The following ROBO2 variants were observed in gnomAD, a reference collection of about 807,000 sequenced individuals.
ROBO2 encodes roundabout homolog 2.
In ROBO2, 53 loss-of-function variants were observed where a neutral mutation model predicts 160.8. The observed-to-expected ratio is 0.33, with a 90% CI of 0.26 to 0.41. The LOEUF (loss-of-function observed/expected upper bound fraction) is 0.41. ROBO2 is among the 10% of genes least tolerant of loss of function. The probability of loss-of-function intolerance (pLI) is 1.00; values close to 1 mark genes in which losing one functional copy is unlikely to be tolerated. For synonymous variants in ROBO2, 664 were observed against 611.7 expected, an observed-to-expected ratio of 1.09 and a Z score of -1.26; for missense variants, 1,577 against 1,722.4, an observed-to-expected ratio of 0.92 and a Z score of 1.49.
At chr3:76,142,271 A>T (rs1441121986) in intron 2 of ROBO2, among the ~76,000 whole-genome samples, 1 of 151,988 alleles carries the variant, frequency 6.6e-6, no homozygotes, top group African/African-American at 2.4e-5. Context: ...TCCTCAAAAA[A>T]ACTGAAAACT....
chr3:76,565,888 G>A (rs967617801), intron 2 of ROBO2, among the ~76,000 whole-genome samples: 2 of 152,136 alleles, frequency 1.3e-5, no homozygotes, highest in African/African-American at 2.4e-5. Context: ...AGAGTTCACT[G>A]TAATCTCAGG....
At chr3:77,594,043 A>G (rs752718655) in intron 17 of ROBO2, among the ~76,000 whole-genome samples, 6 of 152,042 alleles carry the variant, frequency 3.9e-5, no homozygotes, top group Non-Finnish European at 7.4e-5. Context: ...TTGCAGGTTT[A>G]TTGCACTTTT....
At chr3:76,546,875 C>A (rs1455459522) in intron 2 of ROBO2, among the ~76,000 whole-genome samples, 1 of 151,788 alleles carries the variant, frequency 6.6e-6, no homozygotes, top group African/African-American at 2.4e-5. Context: ...TTGACCTAAG[C>A]CAAATTCAAA....
At chr3:76,866,235 G>T (rs1257243342) in intron 2 of ROBO2, among the ~76,000 whole-genome samples, 1 of 151,930 alleles carries the variant, frequency 6.6e-6, no homozygotes, top group African/African-American at 2.4e-5. Context: ...AGGAAAAAAA[G>T]AAAAGAAAAA....
At chr3:76,146,899 CACAT>C (rs2071928147) in intron 2 of ROBO2, among the ~76,000 whole-genome samples, 1 of 150,444 alleles carries the variant, frequency 6.6e-6, no homozygotes, top group African/African-American at 2.4e-5. Flanking sequence ...AACACACACA[CACAT>C]ACACACACAC....
At chr3:76,150,858 CT>C (rs1162801312) in intron 2 of ROBO2, among the ~76,000 whole-genome samples, 2 of 152,146 alleles carry the variant, frequency 1.3e-5, no homozygotes, top group Non-Finnish European at 2.9e-5. Flanking sequence ...GTGGGGGCTT[CT>C]TCCTACATGC....
intron 16 of ROBO2, among the ~76,000 whole-genome samples, chr3:77,586,964 A>G (rs2094066752): frequency 6.6e-6 from 1 of 151,834 alleles, no homozygotes; most frequent in South Asian, 2.1e-4. Flanking sequence ...ATTTAATACA[A>G]AAGACCTTTC....
chr3:76,200,017 T>A (rs574214603), intron 2 of ROBO2, among the ~76,000 whole-genome samples: 1 of 152,214 alleles, frequency 6.6e-6, no homozygotes, highest in Non-Finnish European at 1.5e-5. Context: ...AGGAGAGGGA[T>A]AAAAAAACAA....
intron 2 of ROBO2, among the ~76,000 whole-genome samples, chr3:77,222,906 A>G (rs1362088221): frequency 6.6e-6 from 1 of 152,188 alleles, no homozygotes; most frequent in Non-Finnish European, 1.5e-5. Flanking sequence ...GCTCCCAAGG[A>G]GTGCTTTCTT....
At chr3:76,387,916 T>C (rs1464824685) in intron 2 of ROBO2, among the ~76,000 whole-genome samples, 1 of 152,216 alleles carries the variant, frequency 6.6e-6, no homozygotes, top group Admixed American at 6.5e-5. Flanking sequence ...AGGGCAGTTA[T>C]ATGAAAAATT....
intron 2 of ROBO2, among the ~76,000 whole-genome samples, chr3:76,066,212 G>T (rs771520043): frequency 1.3e-5 from 2 of 152,010 alleles, no homozygotes; most frequent in African/African-American, 4.8e-5. Flanking sequence ...ACAATAAATA[G>T]CATGACATGC....
At chr3:76,287,401 T>C (rs1000841405) in intron 2 of ROBO2, among the ~76,000 whole-genome samples, 3 of 151,736 alleles carry the variant, frequency 2.0e-5, no homozygotes, top group African/African-American at 7.3e-5. Context: ...GTTCAAGCAA[T>C]TCTCCTGCCT....
intron 2 of ROBO2, among the ~76,000 whole-genome samples, chr3:76,030,046 A>C (rs2066867333): frequency 6.6e-6 from 1 of 152,080 alleles, no homozygotes; most frequent in Non-Finnish European, 1.5e-5. Context: ...TGACTTTTTA[A>C]TGATTGCCAT....
At position 76,135,962 on chromosome 3, in the gene ROBO2, C is replaced by CAA. The variant is rs5850235; in HGVS notation, c.109+198367_109+198368dup. ...TTTACTACAAGGCAATATTATTTAC[C>CAA]AAAAAAAATCTGTAACATAAAGCTT... On this transcript the variant is annotated intron_variant, in intron 2 of 26. Coordinates refer to the ROBO2 transcript ENST00000487694. Among the ~76,000 whole-genome samples, 1,154 of 151,932 alleles carry CAA rather than the reference C, an allele frequency of 7.6e-3. 12 individuals carry two copies. The highest frequency in any genetic ancestry group is 0.029 in the Admixed American group (447 of 15,240).
intron 23 of ROBO2, 137 bp from the exon 25 acceptor site, chr3:77,634,733 A>C: frequency 2.3e-6 from 2 of 854,398 alleles, no homozygotes; most frequent in East Asian, 2.4e-5. Flanking sequence ...TTTTCTACAG[A>C]GATGCACCAA....
At chr3:76,376,276 G>A (rs1300810044) in intron 2 of ROBO2, among the ~76,000 whole-genome samples, 1 of 152,034 alleles carries the variant, frequency 6.6e-6, no homozygotes, top group African/African-American at 2.4e-5. Flanking sequence ...AGTCCCAGTG[G>A]ATTCAGCAAA....
intron 1 of ROBO2, among the ~76,000 whole-genome samples, chr3:75,918,368 C>A (rs1312358324): frequency 2.0e-5 from 3 of 151,984 alleles, no homozygotes; most frequent in African/African-American, 7.2e-5. Flanking sequence ...ATTTCTGAGG[C>A]CTCTGTTCTG....
At chr3:77,470,591 G>A (rs2083257720) in intron 2 of ROBO2, among the ~76,000 whole-genome samples, 1 of 152,070 alleles carries the variant, frequency 6.6e-6, no homozygotes, top group African/African-American at 2.4e-5. Flanking sequence ...TATTATCATA[G>A]AACAAGTTAT....
chr3:75,985,000 T>C (rs969207399), intron 2 of ROBO2, among the ~76,000 whole-genome samples: 1 of 151,564 alleles, frequency 6.6e-6, no homozygotes, highest in Non-Finnish European at 1.5e-5. Flanking sequence ...TCTGCATGTT[T>C]CCTTGGAGAT....
Sources: allele counts gnomAD v4.1 joint callset (sites outside exome capture counted in the v4.1 genomes callset), GRCh38; gene constraint gnomAD v4.1.1; transcripts MANE v1.5; gene names NCBI Gene and HGNC (gene_info 2026-07-23, HGNC 2026-07-21).